Variants in MITF observed in about 807,000 individuals in gnomAD.
MITF encodes melanocyte inducing transcription factor, also known as microphthalmia-associated transcription factor.
In MITF, 17 loss-of-function variants were observed where a neutral mutation model predicts 60.5. That is an observed-to-expected ratio of 0.28 (90% CI 0.19 to 0.42). The LOEUF is 0.42. MITF is among the 10% of genes least tolerant of loss of function. The probability of loss-of-function intolerance (pLI) is 1.00; values close to 1 mark genes in which losing one functional copy is unlikely to be tolerated. For synonymous variants in MITF, 260 were observed against 248.5 expected, an observed-to-expected ratio of 1.05 and a Z score of -0.43; for missense variants, 622 against 683.5, an observed-to-expected ratio of 0.91 and a Z score of 1.00.
At chr3:69,867,152 CA>C (rs1259171909) in intron 1 of MITF, among the ~76,000 whole-genome samples, 4 of 152,144 alleles carry the variant, frequency 2.6e-5, no homozygotes, top group Non-Finnish European at 5.9e-5. Flanking sequence ...TCAACTTATG[CA>C]AAAGCTACCT....
At chr3:69,859,122 A>G (rs1038228956) in intron 1 of MITF, among the ~76,000 whole-genome samples, 36 of 152,174 alleles carry the variant, frequency 2.4e-4, no homozygotes, top group African/African-American at 8.4e-4. Context: ...TCTGCATTGA[A>G]TCACCACACT....
intron 1 of MITF, among the ~76,000 whole-genome samples, chr3:69,822,843 C>G (rs1226981609): frequency 2.0e-5 from 3 of 151,696 alleles, no homozygotes; most frequent in Non-Finnish European, 2.9e-5. Flanking sequence ...ATTCATTACT[C>G]AACCCCGTCT....
At chr3:69,792,130 C>T (rs1287173077) in intron 1 of MITF, among the ~76,000 whole-genome samples, 1 of 152,162 alleles carries the variant, frequency 6.6e-6, no homozygotes, top group African/African-American at 2.4e-5. Flanking sequence ...GATTCCATCA[C>T]TATCTGATGC....
At chr3:69,806,597 T>C (rs1371163164) in intron 1 of MITF, among the ~76,000 whole-genome samples, 1 of 152,142 alleles carries the variant, frequency 6.6e-6, no homozygotes, top group African/African-American at 2.4e-5. Context: ...TGAACTCCAG[T>C]ACTAAGAACT....
chr3:69,895,383 T>A (rs771884290), intron 2 of MITF, among the ~76,000 whole-genome samples: 16 of 152,180 alleles, frequency 1.1e-4, no homozygotes, highest in Non-Finnish European at 2.2e-4. Flanking sequence ...ATAATGTTAA[T>A]CCTGGTTATC....
In MITF at chr3:69,937,915, A is replaced by C. The variant is rs2065880129; in HGVS notation, c.448A>C (p.Lys150Gln). Residue 150 changes from lysine to glutamine, a missense_variant, in exon 3 of 10, where the codon AAA (lysine) becomes CAA (glutamine). By Grantham distance (53) the Lys-to-Gln change is moderately conservative. Around this residue, in one of 5 missense-constraint regions of MITF, gnomAD observed 215 missense variants for 224.8 expected, o/e 0.96. Coordinates refer to ENST00000352241, the MANE Select transcript of MITF (RefSeq NM_001354604.2). ...KQYLSTTLAN[K>Q]HANQVLSLPC... The stretch of plus-strand genomic sequence containing the variant: ...GTACCTTTCTACCACTTTAGCAAAT[A>C]AACATGCCAACCAAGTCCTGAGCTT... The C allele has an allele frequency of 6.2e-7, 1 of 1,614,042 alleles. No individual in the cohort carries two copies. Among genetic ancestry groups the C allele is most frequent in the Admixed American group, 1.7e-5 (1 of 60,000 alleles).
At chr3:69,919,044 C>A (rs2065402459) in intron 2 of MITF, among the ~76,000 whole-genome samples, 1 of 152,170 alleles carries the variant, frequency 6.6e-6, no homozygotes, top group Non-Finnish European at 1.5e-5. Context: ...TCTTTTACAT[C>A]CAAGGTTGAC....
intron 1 of MITF, among the ~76,000 whole-genome samples, chr3:69,782,703 A>C (rs1340895569): frequency 6.6e-6 from 1 of 152,182 alleles, no homozygotes; most frequent in Non-Finnish European, 1.5e-5. Flanking sequence ...TCCCTGATTA[A>C]ATATTCTCTA....
chr3:69,901,745 C>T (rs1056992735), intron 2 of MITF, among the ~76,000 whole-genome samples: 1 of 152,184 alleles, frequency 6.6e-6, no homozygotes, highest in African/African-American at 2.4e-5. Flanking sequence ...ATAACCCTCC[C>T]TGTCTAATTC....
chr3:69,936,603 G>C (rs995608975), intron 2 of MITF: 8 of 1,548,110 alleles, frequency 5.2e-6, no homozygotes, highest in Non-Finnish European at 7.0e-6. Context: ...GTGGTGTCTC[G>C]GGATACCTTG....
At position 69,921,461 on chromosome 3, in the gene MITF, G is replaced by A. The variant is rs75615897; in HGVS notation, c.355-16361G>A. On this transcript the variant is annotated intron_variant, in intron 2 of 9. Transcript: ENST00000352241. ...TCAGCTTCATTCTATATAGTTTTAG[G>A]GCATAGTTTATCATTATTGTGTTGA... Among the ~76,000 whole-genome samples the A allele has an allele frequency of 2.7e-3, 404 of 152,100 alleles. 1 individual carries two copies. The highest frequency in any genetic ancestry group is 9.5e-3 in the African/African-American group (394 of 41,494).
chr3:69,964,915 T>C lies in MITF; in HGVS notation c.1248T>C (p.Asp416=). ...LIPSTGLCSP[D]LVNRIIKQEP... ...CATCCACGGGTCTCTGCTCTCCAGA[T>C]TTGGTGAATCGGATCATCAAGCAAG... Residue 416 remains aspartate, a synonymous_variant, in exon 10 of 10, where the codon GAT becomes GAC. Transcript: ENST00000352241. 6.2e-7 allele frequency: 1 copy of C among 1,614,100 alleles called. No individual in the cohort carries two copies.
At chr3:69,871,293 C>T (rs1270189598) in intron 1 of MITF, among the ~76,000 whole-genome samples, 5 of 152,190 alleles carry the variant, frequency 3.3e-5, no homozygotes, top group Non-Finnish European at 7.3e-5. Context: ...ATAACCCTTA[C>T]TTGATTGTCT....
At chr3:69,914,027 G>T (rs1180822228) in intron 2 of MITF, among the ~76,000 whole-genome samples, 1 of 152,138 alleles carries the variant, frequency 6.6e-6, no homozygotes, top group Admixed American at 6.5e-5. Flanking sequence ...TTCTGCTGTG[G>T]TTGCCTTCCT....
At chr3:69,860,770 T>C (rs1012894852) in intron 1 of MITF, among the ~76,000 whole-genome samples, 1 of 152,230 alleles carries the variant, frequency 6.6e-6, no homozygotes, top group Non-Finnish European at 1.5e-5. Flanking sequence ...AATGTTGGGC[T>C]GCATCCCAAT....
Position 69,916,753 on chromosome 3 carries a change from T to G in MITF, c.355-21069T>G, listed in dbSNP as rs994710385. ...ACACTGACCTCAATATTTTTTAAAG[T>G]AAAAAGTTTCGATTTCATCACGATT... On this transcript the variant is annotated intron_variant, in intron 2 of 9. Coordinates refer to ENST00000352241, the MANE Select transcript of MITF (RefSeq NM_001354604.2). Among the ~76,000 whole-genome samples the G allele has an allele frequency of 5.3e-5, 8 of 152,182 alleles. 1 individual carries two copies. Among genetic ancestry groups the G allele is most frequent in the Admixed American group, 5.2e-4 (8 of 15,268 alleles).
intron 2 of MITF, among the ~76,000 whole-genome samples, chr3:69,907,246 C>T (rs1282663258): frequency 6.6e-6 from 1 of 152,108 alleles, no homozygotes; most frequent in Non-Finnish European, 1.5e-5. Context: ...TTTCTATGTC[C>T]AAAACTTTCC....
chr3:69,845,146 T>C (rs1160351760), intron 1 of MITF, among the ~76,000 whole-genome samples: 1 of 152,176 alleles, frequency 6.6e-6, no homozygotes, highest in Non-Finnish European at 1.5e-5. Flanking sequence ...TTCATTCTAT[T>C]TTCTTCATCC....
intron 1 of MITF, among the ~76,000 whole-genome samples, chr3:69,833,113 G>A (rs1237508965): frequency 1.3e-5 from 2 of 152,140 alleles, no homozygotes; most frequent in Non-Finnish European, 2.9e-5. Flanking sequence ...GTATGTGGTT[G>A]TTTCCCTGTT....
Sources: gnomAD v4.1 joint callset for allele counts (sites outside exome capture counted in the v4.1 genomes callset) on GRCh38, gnomAD v4.1.1 for gene constraint, gnomAD v4.1.1 regional missense constraint, MANE v1.5 for transcripts, NCBI Gene and HGNC (gene_info 2026-07-23, HGNC 2026-07-21) for gene names.